The following PCDH15 variants were observed in gnomAD, a reference collection of about 807,000 sequenced individuals.
PCDH15 encodes protocadherin-15.
A neutral mutation model predicts 178.5 loss-of-function variants in PCDH15; 129 were observed. That is an observed-to-expected ratio of 0.72 (90% CI 0.63 to 0.84). The LOEUF (loss-of-function observed/expected upper bound fraction) is 0.84, where lower values mean the gene tolerates loss of function less well. Ranked by LOEUF, PCDH15 falls within the 40% of genes least tolerant of loss-of-function variation. The pLI is 0.00. For missense variants in PCDH15, 2,230 were observed against 2,099.9 expected, an observed-to-expected ratio of 1.06 and a Z score of -1.21; for synonymous variants, 800 against 732.0, an observed-to-expected ratio of 1.09 and a Z score of -1.50.
chr10:55,166,604 T>C (rs150730104), exon 2 of PCDH15: 2 of 152,288 alleles, frequency 1.3e-5, no homozygotes, highest in Admixed American at 1.3e-4. Flanking sequence ...TGTCAACCTC[T>C]AGGTCTGTCA....
chr10:54,276,625 A>G, intron 8 of PCDH15, among the ~76,000 whole-genome samples: 1 of 151,162 alleles, frequency 6.6e-6, no homozygotes, highest in Admixed American at 6.6e-5. Context: ...GTACATATAT[A>G]TAATAAAATC....
intron 3 of PCDH15, among the ~76,000 whole-genome samples, chr10:54,500,784 C>T (rs1329291139): frequency 6.6e-6 from 1 of 152,100 alleles, no homozygotes; most frequent in East Asian, 1.9e-4. Flanking sequence ...GATCATGCCA[C>T]TGCACTCCAG....
chr10:54,183,317 C>T (rs2048177361), intron 13 of PCDH15, 127 bp downstream of exon 13: 3 of 949,138 alleles, frequency 3.2e-6, no homozygotes, highest in East Asian at 2.5e-5. Context: ...GCTATTTAAA[C>T]TAATTATGCT....
At chr10:54,593,176 T>G (rs1482547878) in intron 2 of PCDH15, among the ~76,000 whole-genome samples, 3 of 152,316 alleles carry the variant, frequency 2.0e-5, no homozygotes, top group East Asian at 3.9e-4. Context: ...TTTAGTTTGA[T>G]GCAATTCCAC....
intron 3 of PCDH15, among the ~76,000 whole-genome samples, chr10:54,855,784 T>C (rs187863906): frequency 6.6e-6 from 1 of 152,314 alleles, no homozygotes; most frequent in Non-Finnish European, 1.5e-5. Flanking sequence ...GGCTTCCTGG[T>C]GCTTTCCCTG....
At position 55,037,693 on chromosome 10, in the gene PCDH15, C is replaced by T. The variant is rs139638059; in HGVS notation, c.-80+128883G>A. 1.9e-4 allele frequency among the ~76,000 whole-genome samples: 29 copies of T among 152,224 alleles called. No individual in the cohort carries two copies. In the East Asian group the frequency reaches 5.4e-3, roughly 28 times the overall value. On this transcript the variant is annotated intron_variant, in intron 2 of 5. Transcript: ENST00000458638. Reference sequence around the variant, plus strand: ...GTTTCTGAAGATTGTAAAATATCTGCGGACTCATGGCAATGTTACCTTTTA... The same window carrying T: ...GTTTCTGAAGATTGTAAAATATCTGTGGACTCATGGCAATGTTACCTTTTA...
chr10:54,719,993 GATACC>G lies in PCDH15; in HGVS notation c.-28-55708_-28-55704del, dbSNP rs1361784538. The stretch of plus-strand genomic sequence containing the variant: ...ATAGTGTAAATCAAAACCACAATGA[GATACC>G]ATCTCACACCAGTCAGAGTGATGAT... On this transcript the variant is annotated intron_variant, in intron 1 of 37. Coordinates refer to ENST00000644397, the MANE Select transcript of PCDH15 (RefSeq NM_001384140.1). Among the ~76,000 whole-genome samples, 10 of 152,110 alleles carry G rather than the reference GATACC, an allele frequency of 6.6e-5. No homozygotes were observed. The East Asian group carries it at 1.4e-3, about 21-fold the overall frequency.
chr10:55,441,762 T>C (rs1402150895), intron 2 of PCDH15, among the ~76,000 whole-genome samples: 5 of 152,194 alleles, frequency 3.3e-5, no homozygotes, highest in South Asian at 2.1e-4. Context: ...TCTGATCTTA[T>C]TGATCTTGTT....
chr10:54,097,032 C>T (rs534821534), intron 15 of PCDH15, among the ~76,000 whole-genome samples: 19 of 152,042 alleles, frequency 1.2e-4, no homozygotes, highest in Non-Finnish European at 1.8e-4. Flanking sequence ...CAAAATATAA[C>T]CAGATTGAAA....
At chr10:55,375,663 G>T (rs1837380181) in intron 2 of PCDH15, among the ~76,000 whole-genome samples, 1 of 151,988 alleles carries the variant, frequency 6.6e-6, no homozygotes, top group African/African-American at 2.4e-5. Context: ...ACTTGCACTG[G>T]TTTCCCCTCC....
chr10:54,939,431 C>A (rs1325973964), intron 2 of PCDH15, among the ~76,000 whole-genome samples: 1 of 126,146 alleles, frequency 7.9e-6, no homozygotes, highest in African/African-American at 3.1e-5. Flanking sequence ...GGAGGCGGAG[C>A]TTGTGGTGAG....
intron 9 of PCDH15, among the ~76,000 whole-genome samples, chr10:54,236,591 T>A (rs1318028348): frequency 6.6e-6 from 1 of 152,154 alleles, no homozygotes; most frequent in Non-Finnish European, 1.5e-5. Flanking sequence ...TATTTTGAAT[T>A]GCTTTGCTTC....
chr10:54,277,767 C>T (rs1418285840), intron 8 of PCDH15, among the ~76,000 whole-genome samples: 1 of 151,434 alleles, frequency 6.6e-6, no homozygotes, highest in African/African-American at 2.4e-5. Context: ...GGGGGCAAAA[C>T]ACTAGTCATT....
chr10:53,812,375 A>T (rs11003864), intron 35 of PCDH15, among the ~76,000 whole-genome samples: 53,992 of 151,216 alleles, frequency 0.36, 11,465 homozygotes, highest in East Asian at 0.93. Context: ...GCCCGTCTAA[A>T]TTTTTGTATT....
chr10:54,375,979 C>G (rs1948369971), intron 4 of PCDH15, among the ~76,000 whole-genome samples: 1 of 151,446 alleles, frequency 6.6e-6, no homozygotes, highest in South Asian at 2.1e-4. Flanking sequence ...ACTGCAACCT[C>G]CGCCTCCTGG....
Position 54,483,436 on chromosome 10 carries a change from C to T in PCDH15, c.157+44376G>A, listed in dbSNP as rs1200491032. Among the ~76,000 whole-genome samples the T allele has an allele frequency of 2.0e-5, 3 of 151,914 alleles. No individual in the cohort carries two copies. In the East Asian group the frequency reaches 5.8e-4, roughly 29 times the overall value. ...AATTTCAGTTGAGGCTTTCCATTTGCAGAAATGGTAGATTTTCATTTTAGG... is the reference window on the plus strand; with the variant it reads ...AATTTCAGTTGAGGCTTTCCATTTGTAGAAATGGTAGATTTTCATTTTAGG... On this transcript the variant is annotated intron_variant, in intron 3 of 37. Coordinates refer to ENST00000644397, the MANE Select transcript of PCDH15 (RefSeq NM_001384140.1).
intron 1 of PCDH15, among the ~76,000 whole-genome samples, chr10:54,673,098 T>G (rs1008630190): frequency 6.6e-6 from 1 of 152,092 alleles, no homozygotes; most frequent in Admixed American, 6.5e-5. Context: ...TAAATTAAAG[T>G]TCTGGGATAC....
At chr10:54,928,323 G>A (rs1376862331) in intron 2 of PCDH15, among the ~76,000 whole-genome samples, 2 of 152,084 alleles carry the variant, frequency 1.3e-5, no homozygotes, top group African/African-American at 4.8e-5. Flanking sequence ...AGTCTGATGA[G>A]CTTCCCTTTG....
chr10:55,356,104 T>A (rs1223386925), intron 2 of PCDH15, among the ~76,000 whole-genome samples: 2 of 151,904 alleles, frequency 1.3e-5, no homozygotes, highest in Non-Finnish European at 2.9e-5. Flanking sequence ...CACAACTAAT[T>A]AAGTGTTCAA....
Sources: gnomAD v4.1 joint callset for allele counts (sites outside exome capture counted in the v4.1 genomes callset) on GRCh38, gnomAD v4.1.1 for gene constraint, MANE v1.5 for transcripts, NCBI Gene and HGNC (gene_info 2026-07-23, HGNC 2026-07-21) for gene names.